Variants in CLIC4 observed in about 807,000 individuals in gnomAD.
CLIC4 encodes chloride intracellular channel protein 4.
In CLIC4, 13 loss-of-function variants were observed where a neutral mutation model predicts 24.6. That is an observed-to-expected ratio of 0.53 (90% CI 0.34 to 0.84). The LOEUF (loss-of-function observed/expected upper bound fraction) is 0.84. CLIC4 is among the 40% of genes least tolerant of loss of function. The pLI, the probability that CLIC4 is intolerant of heterozygous loss-of-function variation, is 0.01. For synonymous variants in CLIC4, 104 were observed against 111.3 expected, an observed-to-expected ratio of 0.93 and a Z score of 0.41; for missense variants, 227 against 301.7, an observed-to-expected ratio of 0.75 and a Z score of 1.83.
intron 3 of CLIC4, among the ~76,000 whole-genome samples, chr1:24,824,312 G>A (rs1365807261): frequency 6.6e-6 from 1 of 151,952 alleles, no homozygotes; most frequent in Non-Finnish European, 1.5e-5. Context: ...TCTGTCACCC[G>A]GGCTGAGTGC....
At chr1:24,840,647 T>A (rs1028121332) in intron 5 of CLIC4, 126 bp from the exon 6 acceptor site, 1 of 775,510 alleles carries the variant, frequency 1.3e-6, no homozygotes, top group Non-Finnish European at 2.0e-6. Flanking sequence ...GGTGATGGAC[T>A]TTTTTTCATA....
chr1:24,798,021 C>T, intron 2 of CLIC4, 170 bp downstream of exon 2: 1 of 531,464 alleles, frequency 1.9e-6, no homozygotes. Flanking sequence ...GTCACGCTGT[C>T]AGTATACTGC....
At chr1:24,754,716 T>C (rs142642572) in intron 1 of CLIC4, among the ~76,000 whole-genome samples, 1 of 152,242 alleles carries the variant, frequency 6.6e-6, no homozygotes, top group African/African-American at 2.4e-5. Context: ...ATATTGTCTA[T>C]TTCGAGACTT....
intron 1 of CLIC4, among the ~76,000 whole-genome samples, chr1:24,772,430 C>G (rs1359092549): frequency 6.6e-6 from 1 of 152,182 alleles, no homozygotes; most frequent in Non-Finnish European, 1.5e-5. Context: ...TGAATATTAA[C>G]TTTCACAGCT....
chr1:24,806,849 A>G (rs577249504), intron 2 of CLIC4, among the ~76,000 whole-genome samples: 1 of 152,216 alleles, frequency 6.6e-6, no homozygotes, highest in Non-Finnish European at 1.5e-5. Flanking sequence ...GATCTTATAA[A>G]GAGGAAATCC....
intron 1 of CLIC4, among the ~76,000 whole-genome samples, chr1:24,756,289 G>A (rs1026209921): frequency 6.6e-6 from 1 of 152,114 alleles, no homozygotes; most frequent in African/African-American, 2.4e-5. Flanking sequence ...GTGAGCCACC[G>A]CGCCCTGCTA....
intron 3 of CLIC4, among the ~76,000 whole-genome samples, chr1:24,816,169 C>T (rs1639665259): frequency 6.6e-6 from 1 of 151,492 alleles, no homozygotes; most frequent in Non-Finnish European, 1.5e-5. Flanking sequence ...GGTTAGAATC[C>T]ACTTCCTCCA....
intron 1 of CLIC4, among the ~76,000 whole-genome samples, chr1:24,764,181 A>C (rs947723338): frequency 8.6e-5 from 13 of 151,900 alleles, no homozygotes; most frequent in Non-Finnish European, 1.6e-4. Context: ...GCTCACCGCA[A>C]CCTCCGCCTC....
chr1:24,797,562 G>GGA (rs375221477), intron 1 of CLIC4, among the ~76,000 whole-genome samples, 180 bp from the exon 2 acceptor site: 1 of 124,982 alleles, frequency 8.0e-6, no homozygotes, highest in Non-Finnish European at 1.6e-5. Flanking sequence ...CTCAAAAAAA[G>GGA]AAAAAAAAAA....
At chr1:24,785,759 G>A (rs1639258501) in intron 1 of CLIC4, among the ~76,000 whole-genome samples, 1 of 148,774 alleles carries the variant, frequency 6.7e-6, no homozygotes. Context: ...GGCTGAGGCA[G>A]GAGAATTGCT....
At chr1:24,783,971 A>G (rs1639235692) in intron 1 of CLIC4, among the ~76,000 whole-genome samples, 2 of 151,762 alleles carry the variant, frequency 1.3e-5, no homozygotes, top group African/African-American at 4.8e-5. Flanking sequence ...TCAAAGTTTA[A>G]CCATGGGGCA....
intron 1 of CLIC4, among the ~76,000 whole-genome samples, chr1:24,773,650 G>A (rs1437634918): frequency 7.4e-6 from 1 of 135,494 alleles, no homozygotes; most frequent in African/African-American, 2.8e-5. Context: ...AGGCTAGAGT[G>A]CAGTGGTAAG....
intron 5 of CLIC4, among the ~76,000 whole-genome samples, chr1:24,840,288 TGACTTTGAATTG>T (rs1639929694): frequency 6.6e-6 from 1 of 152,202 alleles, no homozygotes; most frequent in Non-Finnish European, 1.5e-5. Context: ...ATATAATGCG[TGACTTTGAATTG>T]GAGTTTGCCA....
At chr1:24,759,082 G>A (rs1638888329) in intron 1 of CLIC4, among the ~76,000 whole-genome samples, 1 of 152,142 alleles carries the variant, frequency 6.6e-6, no homozygotes, top group Admixed American at 6.5e-5. Context: ...CACCTAGAAT[G>A]GATATTGATT....
At chr1:24,790,133 G>A (rs1218985366) in intron 1 of CLIC4, among the ~76,000 whole-genome samples, 1 of 152,158 alleles carries the variant, frequency 6.6e-6, no homozygotes, top group Non-Finnish European at 1.5e-5. Flanking sequence ...GCGCAGTGGC[G>A]CGATCTCAGC....
intron 1 of CLIC4, among the ~76,000 whole-genome samples, chr1:24,751,385 A>T (rs1638772793): frequency 6.6e-6 from 1 of 151,574 alleles, no homozygotes; most frequent in Non-Finnish European, 1.5e-5. Flanking sequence ...AATTTTTTGT[A>T]TTTTTAGTAG....
rs188210750 is a variant in CLIC4, at chr1:24,787,720, T to C, written c.73-10022T>C. Among the ~76,000 whole-genome samples, 4 of 147,450 alleles carry C rather than the reference T, an allele frequency of 2.7e-5. 1 individual carries two copies. The highest frequency in any genetic ancestry group is 1.0e-4 in the African/African-American group (4 of 39,948). ...CAGGCTAATTTTTTTTTTTTTTTTG[T>C]ATATTTAGTACAGATGGGGTTTCAC... On this transcript the variant is annotated intron_variant, in intron 1 of 5. Transcript: ENST00000374379.
chr1:24,751,649 A>C (rs1638777788), intron 1 of CLIC4, among the ~76,000 whole-genome samples: 1 of 152,218 alleles, frequency 6.6e-6, no homozygotes, highest in Non-Finnish European at 1.5e-5. Flanking sequence ...AGAGTAATAG[A>C]GATGGGGTTT....
intron 2 of CLIC4, among the ~76,000 whole-genome samples, chr1:24,803,640 G>A (rs937433309): frequency 6.6e-6 from 1 of 152,124 alleles, no homozygotes; most frequent in Non-Finnish European, 1.5e-5. Context: ...AAGGGCCCAG[G>A]CTTCACAAAG....
Sources: gnomAD v4.1 joint callset for allele counts (sites outside exome capture counted in the v4.1 genomes callset) on GRCh38, gnomAD v4.1.1 for gene constraint, MANE v1.5 for transcripts, NCBI Gene and HGNC (gene_info 2026-07-23, HGNC 2026-07-21) for gene names.